The following CBFA2T2 variants were observed in gnomAD, a reference collection of about 807,000 sequenced individuals.
CBFA2T2 encodes the protein protein CBFA2T2.
A neutral mutation model predicts 62.2 loss-of-function variants in CBFA2T2; 11 were observed. That is an observed-to-expected ratio of 0.18 (90% CI 0.11 to 0.29). CBFA2T2 has a LOEUF of 0.29. CBFA2T2 is among the 10% of genes least tolerant of loss of function. The pLI is 1.00. For missense variants in CBFA2T2, 592 were observed against 774.1 expected, an observed-to-expected ratio of 0.76 and a Z score of 2.79; for synonymous variants, 295 against 287.5, an observed-to-expected ratio of 1.03 and a Z score of -0.27.
At position 33,561,067 on chromosome 20, in the gene CBFA2T2, A is replaced by G. The variant is rs532630438; in HGVS notation, c.35-45889A>G. ...TAATTTTTGTGTTTTTAGTAGAGAC[A>G]GGGTTTCACCATGTTGGCCAGGATG... On this transcript the variant is annotated intron_variant, in intron 1 of 10. Transcript: ENST00000342704. 3.2e-3 allele frequency among the ~76,000 whole-genome samples: 490 copies of G among 151,670 alleles called. 3 individuals carry two copies. Among genetic ancestry groups the G allele is most frequent in the African/African-American group, 0.011 (466 of 41,016 alleles).
intron 3 of CBFA2T2, among the ~76,000 whole-genome samples, chr20:33,619,241 C>A (rs908911241): frequency 6.6e-6 from 1 of 151,714 alleles, no homozygotes; most frequent in Non-Finnish European, 1.5e-5. Context: ...ATAAAAAGAC[C>A]GGGCGCGGTG....
At chr20:33,525,940 C>T (rs1054501693) in intron 1 of CBFA2T2, among the ~76,000 whole-genome samples, 1 of 152,228 alleles carries the variant, frequency 6.6e-6, no homozygotes, top group African/African-American at 2.4e-5. Flanking sequence ...AGGTGTGAGC[C>T]ACTGCACCTG....
In CBFA2T2 at chr20:33,636,707, A is replaced by G. The variant is rs1310624098; in HGVS notation, c.1296A>G (p.Thr432=). The change falls in exon 9 of 11, where the codon ACA becomes ACG. Residue 432 remains threonine (T), a splice_region_variant and synonymous_variant. Transcript: ENST00000342704. ...GYVPVEFWKK[T]EEAVNKVKIQ... ...TACCTGTGGAGTTTTGGAAAAAAAC[A>G]GGTATGTGTCTGACTGCTTGTAGGT... is the stretch of plus-strand genomic sequence containing the variant. 1 of 1,610,794 alleles carries G rather than the reference A, an allele frequency of 6.2e-7. No individual in the cohort carries two copies. Among genetic ancestry groups the G allele is most frequent in the Admixed American group, 1.7e-5 (1 of 59,964 alleles).
chr20:33,531,682 T>TG (rs2012066533), intron 1 of CBFA2T2, among the ~76,000 whole-genome samples: 1 of 152,200 alleles, frequency 6.6e-6, no homozygotes, highest in Non-Finnish European at 1.5e-5. Flanking sequence ...TTAATATGCC[T>TG]GGGTGGGCGA....
intron 1 of CBFA2T2, among the ~76,000 whole-genome samples, chr20:33,535,660 ATTTTAT>A (rs2012192767): frequency 7.9e-6 from 1 of 126,364 alleles, no homozygotes; most frequent in African/African-American, 3.0e-5. Context: ...TATTTATTTT[ATTTTAT>A]TTTATTTATT....
intron 1 of CBFA2T2, among the ~76,000 whole-genome samples, chr20:33,594,655 G>A (rs79172793): frequency 0.03 from 4,512 of 152,176 alleles, 196 homozygotes; most frequent in African/African-American, 0.1. Context: ...AATTGATAGC[G>A]TTTTTCCCTG....
At chr20:33,526,613 T>C (rs181651468) in intron 1 of CBFA2T2, among the ~76,000 whole-genome samples, 9 of 152,304 alleles carry the variant, frequency 5.9e-5, no homozygotes, top group Admixed American at 5.9e-4. Context: ...TACATTTATT[T>C]TATGGCAAAA....
intron 3 of CBFA2T2, among the ~76,000 whole-genome samples, chr20:33,614,558 C>T (rs2015639835): frequency 6.6e-6 from 1 of 152,080 alleles, no homozygotes; most frequent in Admixed American, 6.6e-5. Context: ...ACAATAATAC[C>T]CCATTCCCCC....
intron 1 of CBFA2T2, among the ~76,000 whole-genome samples, chr20:33,526,730 CA>C (rs56981202): frequency 0.22 from 32,786 of 145,774 alleles, 3,932 homozygotes; most frequent in East Asian, 0.47. Flanking sequence ...GCCAAATTTT[CA>C]AAAAAAAAAA....
chr20:33,595,247 T>C (rs149190415), intron 1 of CBFA2T2, among the ~76,000 whole-genome samples: 1 of 152,346 alleles, frequency 6.6e-6, no homozygotes, highest in East Asian at 1.9e-4. Context: ...AGTCTCACTT[T>C]GTTGCCCAGG....
At chr20:33,602,707 T>C (rs1430220835) in intron 1 of CBFA2T2, among the ~76,000 whole-genome samples, 8 of 152,186 alleles carry the variant, frequency 5.3e-5, no homozygotes, top group Admixed American at 5.2e-4. Context: ...AACGTCTTTT[T>C]CCTTCTTACA....
At chr20:33,516,098 G>A (rs1374963963) in intron 1 of CBFA2T2, among the ~76,000 whole-genome samples, 1 of 151,796 alleles carries the variant, frequency 6.6e-6, no homozygotes, top group Admixed American at 6.6e-5. Context: ...TCATGTCACT[G>A]CACTGTGCCT....
chr20:33,514,452 G>C (rs568071138), intron 1 of CBFA2T2, among the ~76,000 whole-genome samples: 2 of 151,674 alleles, frequency 1.3e-5, no homozygotes, highest in Non-Finnish European at 2.9e-5. Flanking sequence ...AGGTAATAGC[G>C]GGTGTTGAGG....
chr20:33,550,972 A>G (rs957023586), intron 1 of CBFA2T2, among the ~76,000 whole-genome samples: 2 of 151,958 alleles, frequency 1.3e-5, no homozygotes, highest in Non-Finnish European at 1.5e-5. Context: ...AAGCTACATG[A>G]GTTGGGGTGG....
chr20:33,643,966 G>C (rs894952844), intron 10 of CBFA2T2, among the ~76,000 whole-genome samples: 1 of 150,502 alleles, frequency 6.6e-6, no homozygotes, highest in Non-Finnish European at 1.5e-5. Flanking sequence ...GATGGCTCTT[G>C]GGGGAGACCC....
intron 1 of CBFA2T2, among the ~76,000 whole-genome samples, chr20:33,521,334 C>T (rs1600924686): frequency 6.6e-6 from 1 of 152,098 alleles, no homozygotes; most frequent in East Asian, 1.9e-4. Context: ...TTAATGACAA[C>T]CAAATTTGTA....
At chr20:33,555,843 T>G (rs2012883027) in intron 1 of CBFA2T2, among the ~76,000 whole-genome samples, 1 of 152,218 alleles carries the variant, frequency 6.6e-6, no homozygotes, top group Non-Finnish European at 1.5e-5. Flanking sequence ...TCTTTCTTCC[T>G]TGCCTTTCCC....
At chr20:33,574,496 A>G (rs533174947) in intron 1 of CBFA2T2, among the ~76,000 whole-genome samples, 1 of 152,168 alleles carries the variant, frequency 6.6e-6, no homozygotes, top group Admixed American at 6.5e-5. Flanking sequence ...GTGGTGGCAC[A>G]TGCCTGTAAT....
At chr20:33,580,469 A>C (rs2014061433) in intron 1 of CBFA2T2, among the ~76,000 whole-genome samples, 1 of 152,200 alleles carries the variant, frequency 6.6e-6, no homozygotes, top group Admixed American at 6.5e-5. Context: ...TTCTGAAACA[A>C]AAATAGACAA....
Sources: allele counts gnomAD v4.1 joint callset (sites outside exome capture counted in the v4.1 genomes callset), GRCh38; gene constraint gnomAD v4.1.1; transcripts MANE v1.5; gene names NCBI Gene and HGNC (gene_info 2026-07-23, HGNC 2026-07-21).